Variants in ESYT3 observed in about 807,000 individuals in gnomAD.
The protein encoded by ESYT3 is extended synaptotagmin-3.
Under a neutral mutation model 111.5 loss-of-function variants are expected in ESYT3, and 101 were observed. The observed-to-expected ratio is 0.91, with a 90% CI of 0.77 to 1.07. The LOEUF is 1.07. Ranked by LOEUF, ESYT3 falls within the 50% of genes least tolerant of loss-of-function variation. The pLI is 0.00. For missense variants in ESYT3, 1,097 were observed against 1,109.4 expected, an observed-to-expected ratio of 0.99 and a Z score of 0.16; for synonymous variants, 416 against 446.8, an observed-to-expected ratio of 0.93 and a Z score of 0.87.
rs180728085 is a variant in ESYT3, at chr3:138,439,818, G to A, written c.327+4693G>A. The stretch of plus-strand genomic sequence containing the variant: ...AAGAGAAAGAGCTGTGAGAAAACGT[G>A]GCATTTTGTCTATCTGTGGTTTCTA... On this transcript the variant is annotated intron_variant, in intron 1 of 22. Transcript: ENST00000389567. Among the ~76,000 whole-genome samples the A allele has an allele frequency of 2.9e-4, 44 of 152,250 alleles. No individual in the cohort carries two copies. In the East Asian group the frequency reaches 7.5e-3, roughly 26 times the overall value.
intron 4 of ESYT3, among the ~76,000 whole-genome samples, chr3:138,458,880 T>TG (rs2108613166): frequency 1.3e-5 from 2 of 152,158 alleles, no homozygotes; most frequent in East Asian, 3.9e-4. Flanking sequence ...CAGGGTATCG[T>TG]GGGGTGAGGT....
intron 14 of ESYT3, 74 bp from the exon 15 acceptor site, chr3:138,469,362 G>A: frequency 7.5e-7 from 1 of 1,336,418 alleles, no homozygotes; most frequent in Admixed American, 1.7e-5. Flanking sequence ...ATGCTCCTGG[G>A]GGTTGGGGGT....
In ESYT3 at chr3:138,474,338, C is replaced by T; in HGVS notation, c.2454C>T (p.Pro818=). ...CAGTGAAGCGGAAGACCTTGGAACCCCTGTTTGATGAGACGTAAGTGGGCT... is the reference window on the plus strand; with the variant it reads ...CAGTGAAGCGGAAGACCTTGGAACCTCTGTTTGATGAGACGTAAGTGGGCT... ...KTSVKRKTLE[P]LFDETFEFFV... is the part of the protein sequence containing the mutation. The change falls in exon 20 of 23, where the codon CCC becomes CCT. Residue 818 remains proline (P), a synonymous_variant. Transcript: ENST00000389567. 6.3e-7 allele frequency: 1 copy of T among 1,596,366 alleles called. No individual in the cohort carries two copies. Among genetic ancestry groups the T allele is most frequent in the South Asian group, 1.2e-5 (1 of 86,848 alleles).
Position 138,459,247 on chromosome 3 carries a change from G to A in ESYT3, c.642G>A (p.Gly214=), listed in dbSNP as rs987728046. ...AGAAGATTCAGGCTGGTGTGAACGG[G>A]ATCCAGGTGGGTGGAGCCCGGTGGG... is the stretch of plus-strand genomic sequence containing the variant. ...ELQKIQAGVN[G]IQLQGTLRVI... is the part of the protein sequence containing the mutation. The change falls in exon 5 of 23, where the codon GGG becomes GGA. Residue 214 remains glycine, a synonymous_variant. Transcript: ENST00000389567. 3.9e-6 allele frequency: 6 copies of A among 1,557,572 alleles called. No individual in the cohort carries two copies. The highest frequency in any genetic ancestry group is 4.4e-6 in the Non-Finnish European group (5 of 1,144,682).
At position 138,435,027 on chromosome 3, in the gene ESYT3, C is replaced by A; in HGVS notation, c.229C>A (p.Arg77Ser). The change falls in exon 1 of 23, where the codon CGC becomes AGC. Residue 77 changes from arginine to serine, a missense_variant. By Grantham distance (110) the Arg-to-Ser change is moderately radical (BLOSUM62 -1). Coordinates refer to ENST00000389567, the MANE Select transcript of ESYT3 (RefSeq NM_031913.5). The surrounding 1 kb of genome is among the most constrained non-coding windows in gnomAD (Gnocchi z 4.8). ...GTGGATGTGGTGGCGCAGGAACCGCCGCGGGAAGCTTGGGCGCCTGGCCGC... is the reference window on the plus strand; with the variant it reads ...GTGGATGTGGTGGCGCAGGAACCGCAGCGGGAAGCTTGGGCGCCTGGCCGC... ...LLWMWWRRNR[R>S]GKLGRLAAAF... The A allele has an allele frequency of 1.3e-6, 2 of 1,582,260 alleles. No homozygotes were observed.
chr3:138,480,554 G>A (rs1046858249), downstream of ESYT3: 4 of 152,164 alleles, frequency 2.6e-5, no homozygotes, highest in African/African-American at 9.7e-5. Context: ...TAAAAAAACT[G>A]TAGTTCTGTT....
chr3:138,447,027 C>A (rs1455210777), intron 1 of ESYT3, among the ~76,000 whole-genome samples: 1 of 152,132 alleles, frequency 6.6e-6, no homozygotes, highest in Admixed American at 6.6e-5. Flanking sequence ...ACAGTGAGAC[C>A]TTGTCTCAAT....
intron 5 of ESYT3, 149 bp from the exon 6 acceptor site, chr3:138,459,796 G>T (rs943496617): frequency 5.1e-5 from 33 of 649,892 alleles, no homozygotes; most frequent in Non-Finnish European, 8.3e-5. Flanking sequence ...TACGGTTCCT[G>T]CTGTGAGAGC....
At chr3:138,448,738 C>T (rs2031727709) in intron 1 of ESYT3, among the ~76,000 whole-genome samples, 1 of 152,200 alleles carries the variant, frequency 6.6e-6, no homozygotes, top group Non-Finnish European at 1.5e-5. Context: ...TGAGTCATTG[C>T]TCCCTAAGAA....
In ESYT3 at chr3:138,457,561, C is replaced by A. The variant is rs966311232; in HGVS notation, c.505-7C>A. Reference sequence around the variant, plus strand: ...CTCTGACCTAGCCCTTTTGGCATTTCTTCCAGTGTCCCAGGGTCAACGGTG... The same window carrying A: ...CTCTGACCTAGCCCTTTTGGCATTTATTCCAGTGTCCCAGGGTCAACGGTG... On this transcript the variant is annotated splice_region_variant and splice_polypyrimidine_tract_variant and intron_variant, in intron 3 of 22. Transcript: ENST00000389567. 6.2e-7 allele frequency: 1 copy of A among 1,614,070 alleles called. No homozygotes were observed. Among genetic ancestry groups the A allele is most frequent in the Non-Finnish European group, 8.5e-7 (1 of 1,179,992 alleles).
Position 138,434,814 on chromosome 3 carries a change from C to T in ESYT3, c.16C>T (p.Pro6Ser). The T allele has an allele frequency of 1.3e-6, 2 of 1,560,236 alleles. No individual in the cohort carries two copies. The highest frequency in any genetic ancestry group is 1.2e-5 in the South Asian group (1 of 84,322). Reference protein sequence around the residue: MRAEEPCAPGAPSALG... With the variant: MRAEESCAPGAPSALG... ...CGGCGACGAGATGCGAGCAGAGGAG[C>T]CCTGCGCCCCCGGGGCCCCCAGCGC... The change falls in exon 1 of 23, where the codon CCC becomes TCC. Residue 6 changes from proline to serine, a missense_variant. Coordinates refer to ENST00000389567, the MANE Select transcript of ESYT3 (RefSeq NM_031913.5).
At chr3:138,466,192 T>C (rs140659706) in intron 10 of ESYT3, among the ~76,000 whole-genome samples, 58 of 152,332 alleles carry the variant, frequency 3.8e-4, no homozygotes, top group African/African-American at 1.2e-3. Flanking sequence ...TATTTTTGCA[T>C]GTGTTCATGT....
chr3:138,469,309 T>C (rs890792479), intron 14 of ESYT3, 127 bp from the exon 15 acceptor site: 2 of 798,058 alleles, frequency 2.5e-6, no homozygotes, highest in Admixed American at 2.1e-5. Context: ...TTAGAGTAGC[T>C]TTCTCTCAAA....
In ESYT3 at chr3:138,469,522, G is replaced by A. The variant is rs771854878; in HGVS notation, c.1503+18G>A. The A allele has an allele frequency of 1.5e-5, 24 of 1,610,078 alleles. No individual in the cohort carries two copies. In the South Asian group the frequency reaches 2.5e-4, roughly 17 times the overall value. ...CAAGTAAGGTAAGACAGCTTGGTGT[G>A]TAGCCCTGGGGTAAGGAAACAAGGA... is the stretch of plus-strand genomic sequence containing the variant. On this transcript the variant is annotated intron_variant, in intron 15 of 22. Coordinates refer to ENST00000389567, the MANE Select transcript of ESYT3 (RefSeq NM_031913.5).
In ESYT3 at chr3:138,473,080, C is replaced by A. The variant is rs1301402241; in HGVS notation, c.2237+221C>A. On this transcript the variant is annotated intron_variant, in intron 18 of 22. Coordinates refer to ENST00000389567, the MANE Select transcript of ESYT3 (RefSeq NM_031913.5). Reference sequence around the variant, plus strand: ...CTGCGTACTGACTATAAAATAGATGCTGGACTCTGGTTGGTAAGGTCCCTT... The same window carrying A: ...CTGCGTACTGACTATAAAATAGATGATGGACTCTGGTTGGTAAGGTCCCTT... 7 of 1,410,580 alleles carry A rather than the reference C, an allele frequency of 5.0e-6. No individual in the cohort carries two copies. In the East Asian group the frequency reaches 1.8e-4, roughly 37 times the overall value. 87.4% of individuals were successfully genotyped at this position (1,410,580 alleles called of 1,614,324 possible).
intron 1 of ESYT3, among the ~76,000 whole-genome samples, chr3:138,446,643 A>G (rs924833470): frequency 3.9e-5 from 6 of 152,192 alleles, no homozygotes; most frequent in African/African-American, 1.4e-4. Context: ...TAATCCTAAC[A>G]GTTTGGGAGG....
rs766847982 is a variant in ESYT3 at position 138,452,097 on chromosome 3, C to T, written c.369+8C>T. The stretch of plus-strand genomic sequence containing the variant: ...GTCGAGTGGGCCAACAAGGTAAGGC[C>T]GCTGGCAGGGCCTAGCAGGGCCGGA... On this transcript the variant is annotated splice_region_variant and intron_variant, in intron 2 of 22. Transcript: ENST00000389567. 3.1e-6 allele frequency: 5 copies of T among 1,608,136 alleles called. No homozygotes were observed. The East Asian group carries it at 6.7e-5, about 22-fold the overall frequency.
chr3:138,473,412 CTG>C (rs2033332181), intron 18 of ESYT3, 122 bp from the exon 19 acceptor site: 7 of 812,026 alleles, frequency 8.6e-6, no homozygotes, highest in Middle Eastern at 2.8e-4. Context: ...AGTAAACTCA[CTG>C]TGAATTATTA....
chr3:138,452,063 G>A lies in ESYT3; in HGVS notation c.343G>A (p.Val115Met), dbSNP rs1378023721. 10 of 1,606,898 alleles carry A rather than the reference G, an allele frequency of 6.2e-6. 1 individual carries two copies. The highest frequency in any genetic ancestry group is 3.3e-5 in the South Asian group (3 of 91,084). The change falls in exon 2 of 23, where the codon GTG (valine) becomes ATG (methionine). Residue 115 changes from valine to methionine, a missense_variant. Val to Met is a conservative substitution (Grantham distance 21). Coordinates refer to ENST00000389567, the MANE Select transcript of ESYT3 (RefSeq NM_031913.5). ...TCTTTCCTAGATCCACTTCCCGGACGTGGAGCGGGTCGAGTGGGCCAACAA... is the reference window on the plus strand; with the variant it reads ...TCTTTCCTAGATCCACTTCCCGGACATGGAGCGGGTCGAGTGGGCCAACAA... ...HLPAWIHFPD[V>M]ERVEWANKII...
Sources: gnomAD v4.1 joint callset for allele counts (sites outside exome capture counted in the v4.1 genomes callset) on GRCh38, gnomAD v4.1.1 for gene constraint, Gnocchi (gnomAD v3.1) non-coding constraint, MANE v1.5 for transcripts, NCBI Gene and HGNC (gene_info 2026-07-23, HGNC 2026-07-21) for gene names.